Variants in PTK6 observed in about 807,000 individuals in gnomAD.
PTK6 encodes the protein protein tyrosine kinase 6.
In PTK6, 47 loss-of-function variants were observed where a neutral mutation model predicts 47.5. The observed-to-expected ratio is 0.99, with a 90% CI of 0.78 to 1.26. PTK6 has a LOEUF of 1.26. PTK6 is among the 50% of genes most tolerant of loss of function. PTK6 has a pLI of 0.00. For synonymous variants in PTK6, 287 were observed against 276.5 expected, an observed-to-expected ratio of 1.04 and a Z score of -0.38; for missense variants, 618 against 625.3, an observed-to-expected ratio of 0.99 and a Z score of 0.12.
At position 63,534,154 on chromosome 20, in the gene PTK6, T is replaced by G; in HGVS notation, c.514A>C (p.Lys172Gln). The change falls in exon 3 of 8, where the codon AAG becomes CAG. Residue 172 changes from lysine to glutamine, a missense_variant and splice_region_variant. Coordinates refer to ENST00000542869, the MANE Select transcript of PTK6 (RefSeq NM_005975.4). ...HGLRLAAPCR[K>Q]HEPEPLPHWD... ...CCAAGTCAGGGCGGAGCGGCTACCT[T>G]CCGGCAGGGCGCGGCCAGCCGCAGG... The G allele has an allele frequency of 6.5e-7, 1 of 1,548,694 alleles. No homozygotes were observed. The highest frequency in any genetic ancestry group is 8.7e-7 in the Non-Finnish European group (1 of 1,147,636).
chr20:63,536,876 G>T (rs978029747), intron 1 of PTK6, among the ~76,000 whole-genome samples: 5 of 152,238 alleles, frequency 3.3e-5, no homozygotes, highest in Admixed American at 1.3e-4. Context: ...TCCAACTCCC[G>T]CAGGGACAGT....
chr20:63,529,537 C>T lies in PTK6; in HGVS notation c.1355G>A (p.Ter452=). The change falls in exon 8 of 8, where the codon TGA becomes TAA. Residue 452 remains the stop codon, a stop_retained_variant. Coordinates refer to ENST00000542869, the MANE Select transcript of PTK6 (RefSeq NM_005975.4). The surrounding 1 kb of genome is among the most constrained non-coding windows in gnomAD (Gnocchi z 5.6). ...CGGCCATGCCCGCTCCACAGCAGCT[C>T]AGGTCGGGTTCTCGTAGCTGGTGAA... ...SSFTSYENPT[*] 1 of 1,565,654 alleles carries T rather than the reference C, an allele frequency of 6.4e-7. No individual in the cohort carries two copies. The highest frequency in any genetic ancestry group is 8.7e-7 in the Non-Finnish European group (1 of 1,155,350).
chr20:63,532,161 CTG>C (rs199580858), intron 5 of PTK6, among the ~76,000 whole-genome samples: 97 of 129,888 alleles, frequency 7.5e-4, no homozygotes, highest in African/African-American at 1.4e-3. Context: ...CAGTGTGTGT[CTG>C]TGTGTGTGTG....
intron 5 of PTK6, among the ~76,000 whole-genome samples, chr20:63,531,596 CAG>C (rs2082622097): frequency 7.0e-6 from 1 of 142,378 alleles, no homozygotes; most frequent in Non-Finnish European, 1.5e-5. Context: ...GCCTGGGCGA[CAG>C]AGTGAGACTC....
intron 2 of PTK6, chr20:63,534,736 C>T (rs1481139047): frequency 3.7e-6 from 3 of 819,576 alleles, no homozygotes; most frequent in Non-Finnish European, 5.4e-6. Flanking sequence ...AGGGAGGGGC[C>T]CTGCCCCACG....
rs781591005 is a variant in PTK6, at chr20:63,532,513, C to T, written c.832+13G>A. The T allele has an allele frequency of 1.4e-5, 23 of 1,601,310 alleles. No individual in the cohort carries two copies. Among genetic ancestry groups the T allele is most frequent in the Non-Finnish European group, 1.9e-5 (22 of 1,170,616 alleles). On this transcript the variant is annotated intron_variant, in intron 5 of 7. Transcript: ENST00000542869. The stretch of plus-strand genomic sequence containing the variant: ...CGCTGCCTCCAGCAAGAGCCCCGGC[C>T]CATGCCACTCACCGCGGAGCAGCTC...
rs193244893 is a variant in PTK6 at position 63,531,039 on chromosome 20, G to T, written c.833-112C>A. On this transcript the variant is annotated intron_variant, in intron 5 of 7. Transcript: ENST00000542869. ...GCCTCCAAGCTCTGCGGGCTCAGAG[G>T]AGGGGCCGGGGCAAAGGGCAGCTGG... 19 of 1,046,902 alleles carry T rather than the reference G, an allele frequency of 1.8e-5. No homozygotes were observed. In the South Asian group the frequency reaches 2.3e-4, roughly 13 times the overall value. 64.9% of individuals were successfully genotyped at this position (1,046,902 alleles called of 1,614,324 possible). A position where few individuals can be genotyped will look rare whatever the true frequency, so the allele number is the denominator to read the frequency against.
At chr20:63,534,712 G>C (rs2082650589) in intron 2 of PTK6, among the ~76,000 whole-genome samples, 1 of 152,132 alleles carries the variant, frequency 6.6e-6, no homozygotes, top group Non-Finnish European at 1.5e-5. Context: ...GGCTGGAGAA[G>C]CCCCTGCCCT....
At chr20:63,531,970 T>C (rs9679920) in intron 5 of PTK6, among the ~76,000 whole-genome samples, 19,725 of 152,182 alleles carry the variant, frequency 0.13, 4,059 homozygotes, top group African/African-American at 0.44. Flanking sequence ...GCATTTTTCC[T>C]ATACCACAAC....
chr20:63,530,762 A>C lies in PTK6; in HGVS notation c.998T>G (p.Leu333Ter). ...NTLCKVGDFG[L>*]ARLIKEDVYL... ...GGGCCCTACCTTGATAAGCCTGGCT[A>C]ACCCGAAGTCCCCAACTTTGCAGAG... Residue 333 changes from leucine to a stop codon, truncating the protein, a stop_gained, in exon 6 of 8, where the codon TTA becomes TGA. Coordinates refer to ENST00000542869, the MANE Select transcript of PTK6 (RefSeq NM_005975.4). LOFTEE classifies it high-confidence loss of function. The surrounding 1 kb of genome is among the most constrained non-coding windows in gnomAD (Gnocchi z 4.1). 1 of 1,613,848 alleles carries C rather than the reference A, an allele frequency of 6.2e-7. No homozygotes were observed. Among genetic ancestry groups the C allele is most frequent in the Middle Eastern group, 1.6e-4 (1 of 6,062 alleles).
chr20:63,535,613 G>A (rs1189692470), intron 1 of PTK6, among the ~76,000 whole-genome samples: 4 of 151,852 alleles, frequency 2.6e-5, no homozygotes, highest in Admixed American at 6.6e-5. Context: ...GGTGACCTGC[G>A]CCCTTTGTGT....
intron 4 of PTK6, 38 bp from the exon 5 acceptor site, chr20:63,532,725 A>G (rs200813542): frequency 6.3e-7 from 1 of 1,598,574 alleles, no homozygotes; most frequent in Admixed American, 1.7e-5. Flanking sequence ...GCAGCCCCTG[A>G]CCCCCCAGGC....
chr20:63,530,658 C>A lies in PTK6; in HGVS notation c.1014+88G>T, dbSNP rs1333697963. The A allele has an allele frequency of 1.4e-6, 2 of 1,468,858 alleles. No individual in the cohort carries two copies. The highest frequency in any genetic ancestry group is 1.2e-5 in the South Asian group (1 of 80,874). The allele number at this position is 1,468,858 out of a possible 1,614,324, so 91.0% of individuals were successfully genotyped here. ...GGCAGGGGCCGCATCCTGCTCCCAG[C>A]CGAGTCCCCAGCTCCACACACAGGA... On this transcript the variant is annotated intron_variant, in intron 6 of 7. Transcript: ENST00000542869. This position sits in a 1 kb window ranked among gnomAD's most constrained non-coding sequence, Gnocchi z 4.1.
Position 63,534,310 on chromosome 20 carries a change from C to T in PTK6, c.358G>A (p.Asp120Asn), listed in dbSNP as rs2145975178. The change falls in exon 3 of 8, where the codon GAC becomes AAC. Residue 120 changes from aspartate to asparagine, a missense_variant. Transcript: ENST00000542869. ...PSADYVLSVR[D>N]TQAVRHYKIW... ...TTGTAGTGCCGCACAGCCTGCGTGT[C>T]CCGCACTGGGAGGGAGAGCGTGAGC... 5 of 1,601,794 alleles carry T rather than the reference C, an allele frequency of 3.1e-6. No individual in the cohort carries two copies. In the East Asian group the frequency reaches 9.0e-5, roughly 29 times the overall value.
chr20:63,536,440 C>G (rs1600939922), intron 1 of PTK6, among the ~76,000 whole-genome samples: 1 of 150,518 alleles, frequency 6.6e-6, no homozygotes, highest in African/African-American at 2.5e-5. Flanking sequence ...GGAGCTAACC[C>G]TACACAGCCT....
Position 63,537,073 on chromosome 20 carries a change from T to G in PTK6, c.230+12A>C. ...GCCTGTGCCAAAGCTCCCAGCAGCCTAGGACACGCACGGTTCCGACTCCAC... is the reference window on the plus strand; with the variant it reads ...GCCTGTGCCAAAGCTCCCAGCAGCCGAGGACACGCACGGTTCCGACTCCAC... On this transcript the variant is annotated intron_variant, in intron 1 of 7. Transcript: ENST00000542869. 1 of 1,599,956 alleles carries G rather than the reference T, an allele frequency of 6.3e-7. No individual in the cohort carries two copies. Among genetic ancestry groups the G allele is most frequent in the South Asian group, 1.1e-5 (1 of 88,958 alleles).
intron 3 of PTK6, 127 bp downstream of exon 3, chr20:63,534,025 C>T: frequency 7.8e-7 from 1 of 1,285,696 alleles, no homozygotes; most frequent in Non-Finnish European, 1.0e-6. Flanking sequence ...GGCTTCCCTC[C>T]AGTGGGCCCC....
intron 1 of PTK6, among the ~76,000 whole-genome samples, chr20:63,535,262 C>T (rs2082655722): frequency 6.6e-6 from 1 of 152,176 alleles, no homozygotes; most frequent in African/African-American, 2.4e-5. Flanking sequence ...CCCTGAGGAC[C>T]CGGCGGGGGC....
At chr20:63,531,886 G>A (rs922723330) in intron 5 of PTK6, among the ~76,000 whole-genome samples, 2 of 152,236 alleles carry the variant, frequency 1.3e-5, no homozygotes, top group Non-Finnish European at 2.9e-5. Context: ...GTGTGAGGGC[G>A]AGGGGTACGG....
Sources: allele counts gnomAD v4.1 joint callset (sites outside exome capture counted in the v4.1 genomes callset), GRCh38; gene constraint gnomAD v4.1.1; non-coding constraint Gnocchi (gnomAD v3.1); transcripts MANE v1.5; gene names NCBI Gene and HGNC (gene_info 2026-07-23, HGNC 2026-07-21).